ASAP1: variants seen among roughly 807,000 people sequenced by gnomAD.
The protein encoded by ASAP1 is arf-GAP with SH3 domain, ANK repeat and PH domain-containing protein 1.
A neutral mutation model predicts 145.2 loss-of-function variants in ASAP1; 43 were observed. The observed-to-expected ratio is 0.30, with a 90% CI of 0.23 to 0.38. The LOEUF is 0.38. Ranked by LOEUF, ASAP1 falls within the 10% of genes least tolerant of loss-of-function variation. The probability of loss-of-function intolerance (pLI) is 1.00; values close to 1 mark genes in which losing one functional copy is unlikely to be tolerated. For missense variants in ASAP1, 1,018 were observed against 1,355.3 expected, an observed-to-expected ratio of 0.75 and a Z score of 3.91; for synonymous variants, 546 against 515.5, an observed-to-expected ratio of 1.06 and a Z score of -0.80.
chr8:130,175,128 G>A (rs550593548), intron 9 of ASAP1, among the ~76,000 whole-genome samples: 40 of 152,286 alleles, frequency 2.6e-4, no homozygotes, highest in Non-Finnish European at 4.9e-4. Context: ...ATCCCAGTGG[G>A]TGTGAAGTGC....
At chr8:130,256,256 C>A (rs369606621) in intron 3 of ASAP1, among the ~76,000 whole-genome samples, 7 of 152,298 alleles carry the variant, frequency 4.6e-5, no homozygotes, top group East Asian at 3.9e-4. Flanking sequence ...ACTAACACTT[C>A]AGAGATGTTT....
At chr8:130,400,413 A>G (rs1828732545) in intron 2 of ASAP1, among the ~76,000 whole-genome samples, 1 of 151,520 alleles carries the variant, frequency 6.6e-6, no homozygotes, top group Non-Finnish European at 1.5e-5. Flanking sequence ...ATGTGTCCCT[A>G]CACCAGGCCT....
chr8:130,135,915 T>A (rs2097593492), intron 14 of ASAP1, among the ~76,000 whole-genome samples: 2 of 152,208 alleles, frequency 1.3e-5, no homozygotes, highest in Admixed American at 1.3e-4. Context: ...CGACTACCCC[T>A]AAAGAGCCTC....
intron 5 of ASAP1, among the ~76,000 whole-genome samples, chr8:130,194,827 A>G (rs1274038724): frequency 6.6e-6 from 1 of 151,964 alleles, no homozygotes; most frequent in Non-Finnish European, 1.5e-5. Context: ...ACCTCCTGCT[A>G]TGCAGCAAGG....
At chr8:130,118,365 C>T (rs1564979965) in intron 19 of ASAP1, 119 bp from the exon 20 acceptor site, 4 of 1,344,096 alleles carry the variant, frequency 3.0e-6, no homozygotes, top group Non-Finnish European at 4.1e-6. Flanking sequence ...CTCATATTCT[C>T]TTGATTTAGA....
At chr8:130,293,226 C>G (rs1183429256) in intron 3 of ASAP1, among the ~76,000 whole-genome samples, 2 of 152,198 alleles carry the variant, frequency 1.3e-5, no homozygotes, top group African/African-American at 4.8e-5. Context: ...CGAGGAGGCT[C>G]AGATTCAGCA....
At chr8:130,284,880 C>CACACCA (rs57409791) in intron 3 of ASAP1, among the ~76,000 whole-genome samples, 2 of 143,170 alleles carry the variant, frequency 1.4e-5, no homozygotes, top group African/African-American at 2.5e-5. Context: ...CACACACACA[C>CACACCA]CATACTGAGA....
chr8:130,363,994 A>G (rs1826833497), intron 2 of ASAP1, among the ~76,000 whole-genome samples: 1 of 152,046 alleles, frequency 6.6e-6, no homozygotes, highest in Non-Finnish European at 1.5e-5. Context: ...GTCTACATAA[A>G]CTGCTTTTTT....
chr8:130,089,085 A>T (rs2097500127), intron 25 of ASAP1, among the ~76,000 whole-genome samples: 1 of 152,202 alleles, frequency 6.6e-6, no homozygotes, highest in Non-Finnish European at 1.5e-5. Flanking sequence ...GCAAGGAAAC[A>T]GCCACTGTGA....
intron 13 of ASAP1, among the ~76,000 whole-genome samples, chr8:130,142,772 G>A (rs1265358180): frequency 6.6e-6 from 1 of 152,144 alleles, no homozygotes; most frequent in African/African-American, 2.4e-5. Flanking sequence ...ACACAGGAAG[G>A]GAGACTCTGC....
At chr8:130,140,266 C>T (rs950053810) in intron 13 of ASAP1, among the ~76,000 whole-genome samples, 1 of 151,808 alleles carries the variant, frequency 6.6e-6, no homozygotes, top group Admixed American at 6.6e-5. Flanking sequence ...CTCTTAAACT[C>T]CTGAGCTCAA....
At chr8:130,292,842 T>G (rs1822029303) in intron 3 of ASAP1, among the ~76,000 whole-genome samples, 2 of 152,234 alleles carry the variant, frequency 1.3e-5, no homozygotes, top group Admixed American at 6.5e-5. Context: ...GCTTCAGTTT[T>G]ATTACCTGTA....
intron 25 of ASAP1, among the ~76,000 whole-genome samples, chr8:130,085,595 G>A (rs1592764840): frequency 6.6e-6 from 1 of 151,996 alleles, no homozygotes; most frequent in African/African-American, 2.4e-5. Flanking sequence ...TCAGCTGGGT[G>A]TGGTGTGACG....
At chr8:130,400,063 G>A (rs889936767) in intron 2 of ASAP1, among the ~76,000 whole-genome samples, 4 of 151,992 alleles carry the variant, frequency 2.6e-5, no homozygotes, top group African/African-American at 7.2e-5. Context: ...CAGGTGATCC[G>A]CCCACCTCGG....
At chr8:130,209,777 G>C (rs1565092169) in intron 5 of ASAP1, among the ~76,000 whole-genome samples, 1 of 149,378 alleles carries the variant, frequency 6.7e-6, no homozygotes, top group Non-Finnish European at 1.5e-5. Context: ...AACTGGCATT[G>C]TTTTTTTAGT....
At position 130,237,009 on chromosome 8, in the gene ASAP1, A is replaced by AG. The variant is rs770922507; in HGVS notation, c.187-16dup. ...TGGTCTAGAGCCTAAAAGAGAAAAA[A>AG]GGGGGAAAAGATATTAGAAGATTTG... is the stretch of plus-strand genomic sequence containing the variant. On this transcript the variant is annotated splice_polypyrimidine_tract_variant and intron_variant, in intron 3 of 29. Transcript: ENST00000518721. 3.2e-6 allele frequency: 5 copies of AG among 1,540,376 alleles called. No homozygotes were observed. The South Asian group carries it at 3.7e-5, about 11-fold the overall frequency.
At position 130,337,221 on chromosome 8, in the gene ASAP1, AT is replaced by A. The variant is rs1258568643; in HGVS notation, c.186+20795del. ...GTTCATGTTTTCCATGTTAAATTAC[AT>A]TTAAGTTTGATTTAGGATCTGCTTA... On this transcript the variant is annotated intron_variant, in intron 3 of 29. Coordinates refer to ENST00000518721, the MANE Select transcript of ASAP1 (RefSeq NM_018482.4). Among the ~76,000 whole-genome samples, 15 of 152,200 alleles carry A rather than the reference AT, an allele frequency of 9.9e-5. No individual in the cohort carries two copies. The South Asian group carries it at 3.1e-3, about 32-fold the overall frequency.
chr8:130,225,972 G>A (rs1211786061), intron 4 of ASAP1, among the ~76,000 whole-genome samples: 1 of 151,918 alleles, frequency 6.6e-6, no homozygotes, highest in Non-Finnish European at 1.5e-5. Context: ...TCGATCTCCT[G>A]GCTCAAGTGA....
intron 3 of ASAP1, among the ~76,000 whole-genome samples, chr8:130,256,740 T>TAC (rs1819546461): frequency 8.7e-5 from 1 of 11,502 alleles, no homozygotes; most frequent in South Asian, 3.8e-3. Flanking sequence ...TACACATTCT[T>TAC]ATATATATAT....
Sources: gnomAD v4.1 joint callset for allele counts (sites outside exome capture counted in the v4.1 genomes callset) on GRCh38, gnomAD v4.1.1 for gene constraint, MANE v1.5 for transcripts, NCBI Gene and HGNC (gene_info 2026-07-23, HGNC 2026-07-21) for gene names.